The following ASIC2 variants were observed in gnomAD, a reference collection of about 807,000 sequenced individuals.
ASIC2 encodes acid sensing ion channel subunit 2.
In ASIC2, 25 loss-of-function variants were observed where a neutral mutation model predicts 57.3. The observed-to-expected ratio is 0.44, with a 90% confidence interval of 0.32 to 0.61. The LOEUF (loss-of-function observed/expected upper bound fraction) is 0.61. ASIC2 is among the 20% of genes least tolerant of loss of function. The probability of loss-of-function intolerance (pLI) is 0.06; values close to 1 mark genes in which losing one functional copy is unlikely to be tolerated. For synonymous variants in ASIC2, 319 were observed against 307.5 expected, an observed-to-expected ratio of 1.04 and a Z score of -0.39; for missense variants, 641 against 738.1, an observed-to-expected ratio of 0.87 and a Z score of 1.52.
At chr17:33,047,740 T>TGATTTCAGTTGTATATGGC (rs2091961028) in intron 3 of ASIC2, among the ~76,000 whole-genome samples, 4 of 151,444 alleles carry the variant, frequency 2.6e-5, no homozygotes, top group Admixed American at 6.6e-5. Flanking sequence ...TTGTATATGA[T>TGATTTCAGTTGTATATGGC]TGAGCCAGTG....
At position 33,292,913 on chromosome 17, in the gene ASIC2, G is replaced by C; in HGVS notation, c.-798C>G. 2.0e-6 allele frequency: 2 copies of C among 985,546 alleles called. No homozygotes were observed. The highest frequency in any genetic ancestry group is 2.4e-6 in the Non-Finnish European group (2 of 830,016). 61.1% of individuals were successfully genotyped at this position (985,546 alleles called of 1,614,324 possible). On this transcript the variant is annotated 5_prime_UTR_variant, in exon 1 of 10. Transcript: ENST00000225823. ...GAGCTTCTCAGGGCGTCCTGCGGGAGGCTGTTCGCCGCCGGGGTCCTTCAA... is the reference window on the plus strand; with the variant it reads ...GAGCTTCTCAGGGCGTCCTGCGGGACGCTGTTCGCCGCCGGGGTCCTTCAA...
intron 1 of ASIC2, among the ~76,000 whole-genome samples, chr17:34,087,852 T>C (rs1910169520): frequency 6.6e-6 from 1 of 152,238 alleles, no homozygotes; most frequent in African/African-American, 2.4e-5. Context: ...GGCTTCTGCA[T>C]TCTTCACATA....
intron 1 of ASIC2, among the ~76,000 whole-genome samples, chr17:33,470,577 T>C (rs990419751): frequency 2.0e-5 from 3 of 152,152 alleles, no homozygotes; most frequent in African/African-American, 7.2e-5. Context: ...CCTTCTCAGG[T>C]GATGCTGATG....
At chr17:33,912,231 C>T (rs555475751) in intron 1 of ASIC2, among the ~76,000 whole-genome samples, 13 of 150,914 alleles carry the variant, frequency 8.6e-5, no homozygotes, top group African/African-American at 2.2e-4. Flanking sequence ...TGGTGGCTCA[C>T]GCCTGTAATC....
At chr17:33,585,031 C>G (rs1904574559) in intron 1 of ASIC2, among the ~76,000 whole-genome samples, 1 of 152,160 alleles carries the variant, frequency 6.6e-6, no homozygotes, top group African/African-American at 2.4e-5. Flanking sequence ...CACTTGCCAT[C>G]CACAGAATCT....
intron 1 of ASIC2, among the ~76,000 whole-genome samples, chr17:33,482,351 T>A (rs1187205294): frequency 1.3e-5 from 2 of 152,232 alleles, no homozygotes; most frequent in Non-Finnish European, 2.9e-5. Context: ...TATGACCTTC[T>A]GCCACTTTGC....
chr17:33,156,089 G>T (rs928649854), intron 1 of ASIC2, among the ~76,000 whole-genome samples: 1 of 151,420 alleles, frequency 6.6e-6, no homozygotes, highest in Non-Finnish European at 1.5e-5. Context: ...ACTTGGTTCT[G>T]AATTTCTCAA....
intron 1 of ASIC2, among the ~76,000 whole-genome samples, chr17:33,154,969 G>T (rs974971942): frequency 1.3e-5 from 2 of 152,208 alleles, no homozygotes; most frequent in African/African-American, 4.8e-5. Context: ...GACACTGAAG[G>T]CCAAGCTTCC....
At chr17:34,138,789 T>C (rs1042753298) in intron 1 of ASIC2, among the ~76,000 whole-genome samples, 1 of 152,204 alleles carries the variant, frequency 6.6e-6, no homozygotes, top group Non-Finnish European at 1.5e-5. Flanking sequence ...AGTCATTCTT[T>C]CAGCCATTGT....
intron 1 of ASIC2, among the ~76,000 whole-genome samples, chr17:34,031,580 T>C (rs1907614104): frequency 1.3e-5 from 2 of 151,926 alleles, no homozygotes; most frequent in Admixed American, 6.6e-5. Flanking sequence ...CAGGAGGAAA[T>C]TCGAACCAAT....
At chr17:33,348,932 C>T (rs1567831124) in intron 1 of ASIC2, among the ~76,000 whole-genome samples, 3 of 152,112 alleles carry the variant, frequency 2.0e-5, no homozygotes, top group Non-Finnish European at 2.9e-5. Context: ...GAAACCTGAT[C>T]GGTGCTTCCC....
intron 1 of ASIC2, among the ~76,000 whole-genome samples, chr17:33,476,107 G>A (rs1434104711): frequency 6.6e-6 from 1 of 152,278 alleles, no homozygotes; most frequent in Admixed American, 6.5e-5. Context: ...TAGTCCACAC[G>A]CTTAAGTATG....
intron 1 of ASIC2, among the ~76,000 whole-genome samples, chr17:33,276,060 T>A (rs1904691508): frequency 1.3e-5 from 2 of 152,224 alleles, no homozygotes; most frequent in African/African-American, 4.8e-5. Flanking sequence ...TTGAGGGGTC[T>A]AGTTTGTTGA....
intron 1 of ASIC2, among the ~76,000 whole-genome samples, chr17:33,870,178 A>G (rs1914356238): frequency 6.7e-6 from 1 of 148,446 alleles, no homozygotes; most frequent in Admixed American, 6.7e-5. Context: ...CGAGAGAGGA[A>G]TGGACCAAGT....
intron 1 of ASIC2, among the ~76,000 whole-genome samples, chr17:33,404,622 T>C (rs1260739407): frequency 6.6e-6 from 1 of 152,186 alleles, no homozygotes; most frequent in African/African-American, 2.4e-5. Flanking sequence ...TCCTGTCAAA[T>C]GCATGTTGAG....
At chr17:33,312,732 C>T (rs891012128) in intron 1 of ASIC2, among the ~76,000 whole-genome samples, 4 of 152,164 alleles carry the variant, frequency 2.6e-5, no homozygotes, top group Non-Finnish European at 5.9e-5. Context: ...GTCGGGAGTT[C>T]GAGACCAGCC....
intron 1 of ASIC2, among the ~76,000 whole-genome samples, chr17:33,881,456 A>C (rs1914698292): frequency 6.6e-6 from 1 of 152,204 alleles, no homozygotes; most frequent in African/African-American, 2.4e-5. Flanking sequence ...AAGCATTCTT[A>C]TACACCAATA....
chr17:33,799,030 G>A (rs1392972987), intron 1 of ASIC2, among the ~76,000 whole-genome samples: 1 of 152,158 alleles, frequency 6.6e-6, no homozygotes, highest in African/African-American at 2.4e-5. Context: ...CCTCACTTCT[G>A]GATTTCTGTC....
intron 1 of ASIC2, among the ~76,000 whole-genome samples, chr17:34,154,095 TAC>T (rs1288320274): frequency 7.9e-5 from 12 of 152,178 alleles, no homozygotes; most frequent in African/African-American, 2.7e-4. Flanking sequence ...TGCTACTTAT[TAC>T]AGTTTCTCTC....
Sources: gnomAD v4.1 joint callset for allele counts (sites outside exome capture counted in the v4.1 genomes callset) on GRCh38, gnomAD v4.1.1 for gene constraint, MANE v1.5 for transcripts, NCBI Gene and HGNC (gene_info 2026-07-23, HGNC 2026-07-21) for gene names.